Variants in ZNF786 observed in about 807,000 individuals in gnomAD.
The protein encoded by ZNF786 is zinc finger protein 786.
Under a neutral mutation model 63.1 loss-of-function variants are expected in ZNF786, and 56 were observed. The ratio of observed to expected loss-of-function variants is 0.89; its 90% CI spans 0.72 to 1.11. The LOEUF (loss-of-function observed/expected upper bound fraction) is 1.11. Ranked by LOEUF, ZNF786 falls within the 50% of genes least tolerant of loss-of-function variation. The pLI, the probability that ZNF786 is intolerant of heterozygous loss-of-function variation, is 0.00. For synonymous variants in ZNF786, 485 were observed against 406.9 expected (o/e 1.19, Z -2.31); for missense variants, 1,213 against 1,041.8 (o/e 1.16, Z -2.26).
At position 149,080,636 on chromosome 7, in the gene ZNF786, A is replaced by G; in HGVS notation, c.100T>C (p.Tyr34His). The G allele has an allele frequency of 6.2e-7, 1 of 1,612,986 alleles. No individual in the cohort carries two copies. Among genetic ancestry groups the G allele is most frequent in the Non-Finnish European group, 8.5e-7 (1 of 1,179,682 alleles). Residue 34 changes from tyrosine (Y) to histidine (H), a missense_variant, in exon 2 of 4, where the codon TAC (tyrosine) becomes CAC (histidine). Physicochemically the swap from Tyr to His is moderately conservative, Grantham distance 83. Transcript: ENST00000491431. ...TAATTGCTTCTCATCACATGCTTGT[A>G]AAGTTCCTTCTGCCATGCCTCTAGA... is the stretch of plus-strand genomic sequence containing the variant. ...QDLEAWQKEL[Y>H]KHVMRSNYET...
chr7:149,076,853 A>C (rs1825560575), intron 2 of ZNF786, among the ~76,000 whole-genome samples: 1 of 151,868 alleles, frequency 6.6e-6, no homozygotes, highest in South Asian at 2.1e-4. Context: ...TCTTGATTAT[A>C]TGAATATATC....
chr7:149,085,700 A>G (rs961306676), intron 1 of ZNF786, among the ~76,000 whole-genome samples: 3 of 152,208 alleles, frequency 2.0e-5, no homozygotes, highest in Non-Finnish European at 4.4e-5. Flanking sequence ...GGCCATTTTA[A>G]CAATATTGAT....
chr7:149,082,703 C>T (rs1251602562), intron 1 of ZNF786, among the ~76,000 whole-genome samples: 4 of 151,608 alleles, frequency 2.6e-5, no homozygotes, highest in Non-Finnish European at 4.4e-5. Context: ...GCCTCAGCCT[C>T]CTGAGTAGCT....
At chr7:149,086,212 C>A (rs913949707) in intron 1 of ZNF786, among the ~76,000 whole-genome samples, 2 of 152,112 alleles carry the variant, frequency 1.3e-5, no homozygotes, top group African/African-American at 4.8e-5. Context: ...AAAGGAACAC[C>A]AAGGTGGGGT....
intron 3 of ZNF786, among the ~76,000 whole-genome samples, chr7:149,072,993 A>G (rs1825459748): frequency 6.6e-6 from 1 of 152,138 alleles, no homozygotes; most frequent in African/African-American, 2.4e-5. Flanking sequence ...TGGAGTCCCG[A>G]GCTGGAGCCC....
In ZNF786 at chr7:149,070,927, G is replaced by A. The variant is rs774481144; in HGVS notation, c.1845C>T (p.His615=). ...KGQLLSHQRL[H]TGERPFQCPE... The stretch of plus-strand genomic sequence containing the variant: ...GACACTGGAAGGGCCTCTCTCCCGT[G>A]TGCAGGCGCTGATGGCTGAGCAGCT... Residue 615 remains histidine, a synonymous_variant, in exon 4 of 4, where the codon CAC becomes CAT. Transcript: ENST00000491431. 1.9e-6 allele frequency: 3 copies of A among 1,613,726 alleles called. No homozygotes were observed. The highest frequency in any genetic ancestry group is 2.5e-6 in the Non-Finnish European group (3 of 1,179,978).
chr7:149,086,887 G>A (rs1392304599), intron 1 of ZNF786, among the ~76,000 whole-genome samples: 1 of 150,832 alleles, frequency 6.6e-6, no homozygotes, highest in Non-Finnish European at 1.5e-5. Flanking sequence ...CATCGCCCAG[G>A]CAGGCTGAAA....
Position 149,070,207 on chromosome 7 carries a change from T to C in ZNF786, c.*216A>G. ...GCCTGGGTGACAGAGCAAAACTCCATCTTGGAAAAAAAAAAAAAAAAGAAA... is the reference window on the plus strand; with the variant it reads ...GCCTGGGTGACAGAGCAAAACTCCACCTTGGAAAAAAAAAAAAAAAAGAAA... On this transcript the variant is annotated 3_prime_UTR_variant, in exon 4 of 4. Transcript: ENST00000491431. 1 of 539,202 alleles carries C rather than the reference T, an allele frequency of 1.9e-6. No individual in the cohort carries two copies. The highest frequency in any genetic ancestry group is 3.0e-6 in the Non-Finnish European group (1 of 329,278). 33.4% of individuals were successfully genotyped at this position (539,202 alleles called of 1,614,324 possible). A position where few individuals can be genotyped will look rare whatever the true frequency, so the allele number is the denominator to read the frequency against.
chr7:149,070,915 C>CCT lies in ZNF786; in HGVS notation c.1855_1856dup (p.Pro620GlyfsTer14), dbSNP rs760012696. The stretch of plus-strand genomic sequence containing the variant: ...TGTCGCACTCCGGACACTGGAAGGG[C>CCT]CTCTCTCCCGTGTGCAGGCGCTGAT... On this transcript the variant is annotated frameshift_variant, in exon 4 of 4. Coordinates refer to ENST00000491431, the MANE Select transcript of ZNF786 (RefSeq NM_152411.4). LOFTEE classifies it high-confidence loss of function. 1.2e-6 allele frequency: 2 copies of CCT among 1,613,690 alleles called. No individual in the cohort carries two copies. The highest frequency in any genetic ancestry group is 1.1e-5 in the South Asian group (1 of 91,086).
In ZNF786 at chr7:149,072,225, C is replaced by A. The variant is rs776992262; in HGVS notation, c.547G>T (p.Glu183Ter). ...LPGLWDVPAWESTQHPWPVCG... is the reference protein window; with the variant it reads ...LPGLWDVPAW ...ACAGGCCAAGGGTGCTGGGTGCTCTCCCAGGCGGGGACGTCCCACAAACCA... is the reference window on the plus strand; with the variant it reads ...ACAGGCCAAGGGTGCTGGGTGCTCTACCAGGCGGGGACGTCCCACAAACCA... Residue 183 changes from glutamate to a stop codon, truncating the protein, a stop_gained, in exon 4 of 4, where the codon GAG (glutamate) becomes TAG (stop). Transcript: ENST00000491431. LOFTEE classifies it high-confidence loss of function. 5 of 1,613,482 alleles carry A rather than the reference C, an allele frequency of 3.1e-6. No homozygotes were observed. The Admixed American group carries it at 5.0e-5, about 16-fold the overall frequency.
intron 3 of ZNF786, among the ~76,000 whole-genome samples, chr7:149,073,753 A>G (rs369955641): frequency 0.37 from 23,497 of 63,908 alleles, 3,434 homozygotes; most frequent in East Asian, 0.52. Context: ...GTGTGTATAT[A>G]TATATATATA....
Position 149,080,695 on chromosome 7 carries a change from A to G in ZNF786, c.41T>C (p.Val14Ala), listed in dbSNP as rs1214709432. 1 of 1,609,218 alleles carries G rather than the reference A, an allele frequency of 6.2e-7. No individual in the cohort carries two copies. The highest frequency in any genetic ancestry group is 8.5e-7 in the Non-Finnish European group (1 of 1,178,780). The change falls in exon 2 of 4, where the codon GTT becomes GCT. Residue 14 changes from valine (V) to alanine (A), a missense_variant. Transcript: ENST00000491431. ...PPRLPLTFED[V>A]AIYFSEQEWQ... is the part of the protein sequence containing the mutation. ...TTCTTGCTCGGAGAAATAAATAGCA[A>G]CATCCTCAAAAGTCAGAGGTAGCTG...
chr7:149,080,705 A>G lies in ZNF786; in HGVS notation c.31T>C (p.Phe11Leu). Residue 11 changes from phenylalanine (F) to leucine (L), a missense_variant, in exon 2 of 4, where the codon TTT becomes CTT. By Grantham distance (22) the Phe-to-Leu change is conservative (BLOSUM62 0). Transcript: ENST00000491431. The stretch of plus-strand genomic sequence containing the variant: ...GAGAAATAAATAGCAACATCCTCAA[A>G]AGTCAGAGGTAGCTGAAATTGTAGA... The part of the protein sequence containing the change: MAEPPRLPLT[F>L]EDVAIYFSEQ... The G allele has an allele frequency of 6.2e-7, 1 of 1,606,072 alleles. No homozygotes were observed. Among genetic ancestry groups the G allele is most frequent in the South Asian group, 1.1e-5 (1 of 89,472 alleles).
At chr7:149,078,238 T>G (rs1382190808) in intron 2 of ZNF786, among the ~76,000 whole-genome samples, 1 of 152,170 alleles carries the variant, frequency 6.6e-6, no homozygotes, top group Non-Finnish European at 1.5e-5. Flanking sequence ...CTTGGAACAT[T>G]CTTATTAGGC....
chr7:149,079,684 C>T (rs1317822567), intron 2 of ZNF786, among the ~76,000 whole-genome samples: 1 of 148,630 alleles, frequency 6.7e-6, no homozygotes, highest in Non-Finnish European at 1.5e-5. Context: ...GATTCTCCTG[C>T]CTCAGTCTCC....
At chr7:149,085,990 A>G (rs1055278339) in intron 1 of ZNF786, among the ~76,000 whole-genome samples, 1 of 152,150 alleles carries the variant, frequency 6.6e-6, no homozygotes, top group African/African-American at 2.4e-5. Context: ...TGGGCACCCT[A>G]TGGGGTTTTC....
chr7:149,071,154 G>A lies in ZNF786; in HGVS notation c.1618C>T (p.Leu540=), dbSNP rs923703373. 3 of 1,607,612 alleles carry A rather than the reference G, an allele frequency of 1.9e-6. No individual in the cohort carries two copies. The Admixed American group carries it at 5.1e-5, about 27-fold the overall frequency. Residue 540 remains leucine (L), a synonymous_variant, in exon 4 of 4, where the codon CTG becomes TTG. Coordinates refer to ENST00000491431, the MANE Select transcript of ZNF786 (RefSeq NM_152411.4). ...VHSGERPFQC[L]KCDKRFRLKG... Reference sequence around the variant, plus strand: ...AGGCGGAAGCGCTTGTCGCACTTCAGGCACTGGAAGGGCCTCTCCCCGCTG... The same window carrying A: ...AGGCGGAAGCGCTTGTCGCACTTCAAGCACTGGAAGGGCCTCTCCCCGCTG...
At chr7:149,086,844 CTTTT>C (rs34115320) in intron 1 of ZNF786, among the ~76,000 whole-genome samples, 1,571 of 139,484 alleles carry the variant, frequency 0.011, 23 homozygotes, top group African/African-American at 0.039. Context: ...AGCGCAGATC[CTTTT>C]TTTTTTTTTT....
intron 1 of ZNF786, among the ~76,000 whole-genome samples, chr7:149,085,268 T>C (rs1324896454): frequency 2.0e-5 from 3 of 152,204 alleles, no homozygotes; most frequent in African/African-American, 7.2e-5. Context: ...CCTTGGCTAT[T>C]TGGGCTCTTT....
Sources: allele counts gnomAD v4.1 joint callset (sites outside exome capture counted in the v4.1 genomes callset), GRCh38; gene constraint gnomAD v4.1.1; transcripts MANE v1.5; gene names NCBI Gene and HGNC (gene_info 2026-07-23, HGNC 2026-07-21).